PI4KA: variants seen among roughly 807,000 people sequenced by gnomAD.
PI4KA encodes the protein PI4-kinase alpha.
Under a neutral mutation model 271.4 loss-of-function variants are expected in PI4KA, and 122 were observed. The observed-to-expected ratio is 0.45, with a 90% CI of 0.39 to 0.52. The LOEUF (loss-of-function observed/expected upper bound fraction) is 0.52, where lower values mean the gene tolerates loss of function less well. Among genes scored for constraint, PI4KA ranks in the 20% least tolerant of loss-of-function variants. The probability of loss-of-function intolerance (pLI) is 0.00; values close to 1 mark genes in which losing one functional copy is unlikely to be tolerated. For synonymous variants in PI4KA, 1,041 were observed against 1,078.8 expected (o/e 0.96, Z 0.69); for missense variants, 1,969 against 2,769.1 (o/e 0.71, Z 6.48).
At chr22:20,718,027 G>A (rs565717629) in intron 44 of PI4KA, among the ~76,000 whole-genome samples, 1 of 152,282 alleles carries the variant, frequency 6.6e-6, no homozygotes, top group African/African-American at 2.4e-5. Flanking sequence ...TGTGTGGCTG[G>A]GGGTGGTGGG....
chr22:20,799,596 G>C (rs1052258700), intron 15 of PI4KA, 75 bp downstream of exon 15: 1 of 1,000,468 alleles, frequency 1.0e-6, no homozygotes, highest in South Asian at 1.4e-5. Context: ...GCATGCATAC[G>C]CACAATGCCA....
intron 40 of PI4KA, 59 bp from the exon 41 acceptor site, chr22:20,727,456 C>G (rs1601344584): frequency 6.8e-7 from 1 of 1,461,064 alleles, no homozygotes. Context: ...CTGGAAATAC[C>G]TGGTCCACGG....
At position 20,729,341 on chromosome 22, in the gene PI4KA, G is replaced by T; in HGVS notation, c.4654C>A (p.Pro1552Thr). Residue 1552 changes from proline (P) to threonine (T), a missense_variant, in exon 39 of 55, where the codon CCC (proline) becomes ACC (threonine). By Grantham distance (38) the Pro-to-Thr change is conservative. Transcript: ENST00000255882. ...GCAGGCAGCTGCACGGCTAGGTAGG[G>T]AGAGATGCTCCAGGCGAGGTTCACG... ...DNVNLAWSIS[P>T]YLAVQLPARF... 6.2e-7 allele frequency: 1 copy of T among 1,614,008 alleles called. No individual in the cohort carries two copies.
chr22:20,741,895 A>G (rs1046973137), intron 32 of PI4KA, among the ~76,000 whole-genome samples: 1 of 152,230 alleles, frequency 6.6e-6, no homozygotes, highest in Non-Finnish European at 1.5e-5. Context: ...AGGTCAAGAA[A>G]AACATTCCCG....
chr22:20,751,685 A>G lies in PI4KA; in HGVS notation c.3058T>C (p.Ser1020Pro). Residue 1020 changes from serine (S) to proline (P), a missense_variant, in exon 26 of 55, where the codon TCA becomes CCA. Ser to Pro is a moderately conservative substitution (Grantham distance 74). Around this residue, in one of 13 missense-constraint regions of PI4KA, gnomAD observed 368 missense variants for 544.3 expected, o/e 0.68. Transcript: ENST00000255882. ...MLDILQTLSL[S>P]LSADIHKDQP... ...CTGGGGACACTCACAGCGCTCAGTG[A>G]CAGTGACAGGGTCTGCAGGATGTCC... The G allele has an allele frequency of 6.2e-7, 1 of 1,613,730 alleles. No individual in the cohort carries two copies. Among genetic ancestry groups the G allele is most frequent in the Non-Finnish European group, 8.5e-7 (1 of 1,179,614 alleles).
intron 42 of PI4KA, among the ~76,000 whole-genome samples, chr22:20,723,336 T>A (rs1232567588): frequency 6.6e-6 from 1 of 152,130 alleles, no homozygotes; most frequent in East Asian, 1.9e-4. Flanking sequence ...TCCCTTTTTT[T>A]GTAAAAGTAT....
intron 45 of PI4KA, among the ~76,000 whole-genome samples, chr22:20,714,926 T>A (rs1378200882): frequency 1.3e-5 from 2 of 152,118 alleles, no homozygotes; most frequent in East Asian, 3.9e-4. Context: ...ACCAAATAAG[T>A]CTGCACCTTC....
Position 20,765,470 on chromosome 22 carries a change from C to T in PI4KA, c.2437+115G>A, listed in dbSNP as rs1427759899. 3 of 789,164 alleles carry T rather than the reference C, an allele frequency of 3.8e-6. No homozygotes were observed. The East Asian group carries it at 7.4e-5, about 19-fold the overall frequency. 48.9% of individuals were successfully genotyped at this position (789,164 alleles called of 1,614,324 possible). A position where few individuals can be genotyped will look rare whatever the true frequency, so the allele number is the denominator to read the frequency against. ...ACTTGCTAATACTTGCAGAAAGAAG[C>T]AGCTGCATGTGGACTCATTTAAACA... On this transcript the variant is annotated intron_variant, in intron 20 of 54. Transcript: ENST00000255882.
At chr22:20,745,518 G>A (rs1180392116) in intron 29 of PI4KA, among the ~76,000 whole-genome samples, 2 of 152,116 alleles carry the variant, frequency 1.3e-5, no homozygotes, top group Non-Finnish European at 2.9e-5. Context: ...AGAGGACCAG[G>A]AGAAGAAAAT....
chr22:20,730,064 C>T (rs1045350607), intron 36 of PI4KA, 53 bp from the exon 37 acceptor site: 7 of 1,595,784 alleles, frequency 4.4e-6, no homozygotes, highest in South Asian at 1.1e-5. Flanking sequence ...AGAAAAGGTA[C>T]CACAAAAAAT....
intron 40 of PI4KA, 81 bp downstream of exon 40, chr22:20,727,692 AT>A: frequency 9.1e-7 from 1 of 1,097,610 alleles, no homozygotes; most frequent in Non-Finnish European, 1.4e-6. Context: ...TTTTTGTCTC[AT>A]TTCTAGTTTC....
At chr22:20,765,553 C>T (rs759774975) in intron 20 of PI4KA, 32 bp downstream of exon 20, 25 of 1,421,378 alleles carry the variant, frequency 1.8e-5, no homozygotes, top group African/African-American at 5.6e-5. Flanking sequence ...CTCTGCACTC[C>T]GTCTTCACTG....
intron 12 of PI4KA, among the ~76,000 whole-genome samples, chr22:20,803,608 T>C (rs1324865047): frequency 6.6e-6 from 1 of 152,230 alleles, no homozygotes; most frequent in Non-Finnish European, 1.5e-5. Context: ...TACTGCAGCC[T>C]TGACTTACTG....
At chr22:20,790,691 A>T (rs1364708492) in intron 19 of PI4KA, among the ~76,000 whole-genome samples, 8 of 108,756 alleles carry the variant, frequency 7.4e-5, no homozygotes, top group Admixed American at 2.1e-4. Flanking sequence ...AAAAATTTAA[A>T]AAAAACAAAC....
At chr22:20,769,691 CA>C (rs567755675) in intron 19 of PI4KA, among the ~76,000 whole-genome samples, 27 of 150,200 alleles carry the variant, frequency 1.8e-4, no homozygotes, top group South Asian at 8.4e-4. Flanking sequence ...AAATCAAGGT[CA>C]GGGGGGAAGT....
At chr22:20,808,542 A>T (rs1465377610) in intron 9 of PI4KA, among the ~76,000 whole-genome samples, 1 of 150,496 alleles carries the variant, frequency 6.6e-6, no homozygotes, top group Admixed American at 6.6e-5. Context: ...GTGAGCCAAG[A>T]TCACGCCACT....
intron 1 of PI4KA, among the ~76,000 whole-genome samples, chr22:20,853,818 T>C (rs1273942710): frequency 1.3e-5 from 2 of 151,968 alleles, no homozygotes; most frequent in Non-Finnish European, 2.9e-5. Context: ...CTCACACCTG[T>C]AATCCCAGCA....
chr22:20,798,962 G>C (rs370501127), intron 16 of PI4KA, 131 bp downstream of exon 16: 2 of 723,862 alleles, frequency 2.8e-6, no homozygotes, highest in Non-Finnish European at 4.5e-6. Context: ...TTACTACTCC[G>C]CATTAAAACC....
intron 5 of PI4KA, 51 bp downstream of exon 5, chr22:20,820,488 G>C (rs751207783): frequency 8.4e-7 from 1 of 1,188,110 alleles, no homozygotes; most frequent in East Asian, 2.3e-5. Flanking sequence ...AAAAGCAAGG[G>C]AAAGAGTAAC....
Sources: gnomAD v4.1 joint callset for allele counts (sites outside exome capture counted in the v4.1 genomes callset) on GRCh38, gnomAD v4.1.1 for gene constraint, gnomAD v4.1.1 regional missense constraint, MANE v1.5 for transcripts, NCBI Gene and HGNC (gene_info 2026-07-23, HGNC 2026-07-21) for gene names.